The following HIF1A variants were observed in gnomAD, a reference collection of about 807,000 sequenced individuals.
The protein encoded by HIF1A is hypoxia inducible factor 1 subunit alpha, also known as hypoxia-inducible factor 1-alpha.
In HIF1A, 24 loss-of-function variants were observed where a neutral mutation model predicts 92.7. The ratio of observed to expected loss-of-function variants is 0.26; its 90% CI spans 0.19 to 0.36. The LOEUF (loss-of-function observed/expected upper bound fraction) is 0.36. Ranked by LOEUF, HIF1A falls within the 10% of genes least tolerant of loss-of-function variation. HIF1A has a pLI of 1.00. For missense variants in HIF1A, 799 were observed against 998.5 expected (o/e 0.80, Z 2.69); for synonymous variants, 319 against 338.7 (o/e 0.94, Z 0.64).
intron 1 of HIF1A, among the ~76,000 whole-genome samples, chr14:61,702,355 G>T (rs1366633086): frequency 6.7e-6 from 1 of 149,430 alleles, no homozygotes; most frequent in Non-Finnish European, 1.5e-5. Context: ...CAGGAGAATC[G>T]CTTGAACCTG....
chr14:61,717,350 C>A (rs1467401096), intron 1 of HIF1A, among the ~76,000 whole-genome samples: 1 of 152,132 alleles, frequency 6.6e-6, no homozygotes, highest in Non-Finnish European at 1.5e-5. Context: ...TATAAGACCT[C>A]CAGTAGTCAC....
intron 1 of HIF1A, among the ~76,000 whole-genome samples, chr14:61,708,217 G>A (rs995554194): frequency 1.3e-5 from 2 of 152,170 alleles, no homozygotes; most frequent in Non-Finnish European, 2.9e-5. Flanking sequence ...TTTGTCAGAT[G>A]AGTAGATTGC....
chr14:61,713,986 T>G (rs1298987457), intron 1 of HIF1A, among the ~76,000 whole-genome samples: 4 of 152,224 alleles, frequency 2.6e-5, no homozygotes, highest in Non-Finnish European at 5.9e-5. Context: ...AGAAGTTGTC[T>G]TCTGTGTTGT....
intron 13 of HIF1A, 81 bp downstream of exon 13, chr14:61,744,894 T>TGTG: frequency 1.2e-5 from 6 of 521,034 alleles, no homozygotes; most frequent in African/African-American, 2.0e-5. Context: ...TGTGTGTGTG[T>TGTG]TTCCACGTTT....
Position 61,740,836 on chromosome 14 carries a change from T to A in HIF1A, c.1741T>A (p.Ser581Thr), listed in dbSNP as rs1252020623. ...CCAGTTACGTTCCTTCGATCAGTTG[T>A]CACCATTAGAAAGCAGTTCCGCAAG... ...DFQLRSFDQL[S>T]PLESSSASPE... The change falls in exon 12 of 15, where the codon TCA becomes ACA. Residue 581 changes from serine to threonine, a missense_variant. Ser to Thr is a moderately conservative substitution (Grantham distance 58). Around this residue, in one of 2 missense-constraint regions of HIF1A, gnomAD observed 516 missense variants for 721.0 expected, o/e 0.72. Coordinates refer to ENST00000337138, the MANE Select transcript of HIF1A (RefSeq NM_001530.4). 6.2e-7 allele frequency: 1 copy of A among 1,614,012 alleles called. No individual in the cohort carries two copies. The highest frequency in any genetic ancestry group is 1.7e-5 in the Admixed American group (1 of 59,986).
chr14:61,742,010 G>A (rs1298682717), intron 12 of HIF1A, among the ~76,000 whole-genome samples: 1 of 152,060 alleles, frequency 6.6e-6, no homozygotes, highest in African/African-American at 2.4e-5. Context: ...TTGTATTAAA[G>A]TTGCTTTTAT....
chr14:61,697,529 A>C (rs1352818858), intron 1 of HIF1A: 2 of 221,262 alleles, frequency 9.0e-6, no homozygotes, highest in Non-Finnish European at 1.6e-5. Context: ...CAGTTTTGAA[A>C]CGAATTAATA....
At chr14:61,719,861 T>C in intron 1 of HIF1A, among the ~76,000 whole-genome samples, 1 of 152,200 alleles carries the variant, frequency 6.6e-6, no homozygotes, top group African/African-American at 2.4e-5. Flanking sequence ...GTCAGTGTTA[T>C]TCATGTGGTA....
intron 1 of HIF1A, among the ~76,000 whole-genome samples, chr14:61,701,415 T>A (rs1452604102): frequency 6.6e-6 from 1 of 152,164 alleles, no homozygotes; most frequent in Non-Finnish European, 1.5e-5. Flanking sequence ...GTATTTAATA[T>A]TGCAATTTTC....
At chr14:61,706,495 A>C (rs1232615584) in intron 1 of HIF1A, among the ~76,000 whole-genome samples, 1 of 152,236 alleles carries the variant, frequency 6.6e-6, no homozygotes, top group South Asian at 2.1e-4. Context: ...AGTATTGTGA[A>C]ACTCACTATA....
chr14:61,744,958 C>T (rs1403602998), intron 13 of HIF1A, 145 bp downstream of exon 13: 1 of 478,862 alleles, frequency 2.1e-6, no homozygotes, highest in African/African-American at 2.0e-5. Flanking sequence ...TTTTTTTACT[C>T]TGTATGCACT....
chr14:61,710,349 G>A lies in HIF1A; in HGVS notation c.36-10033G>A, dbSNP rs534069321. Among the ~76,000 whole-genome samples, 24 of 152,282 alleles carry A rather than the reference G, an allele frequency of 1.6e-4. No homozygotes were observed. The South Asian group carries it at 3.9e-3, about 25-fold the overall frequency. ...ACATTTGTTCCATAAGATAACCTCC[G>A]TGAAGGTAGAGACTTGGTCTGTTTT... On this transcript the variant is annotated intron_variant, in intron 1 of 14. Transcript: ENST00000337138.
intron 1 of HIF1A, among the ~76,000 whole-genome samples, chr14:61,712,216 A>T (rs546384513): frequency 2.8e-4 from 43 of 152,314 alleles, no homozygotes; most frequent in Non-Finnish European, 4.4e-5. Flanking sequence ...CCTTGTGGGT[A>T]TTTAGGGTAG....
intron 4 of HIF1A, among the ~76,000 whole-genome samples, chr14:61,723,645 G>C (rs916671359): frequency 6.6e-6 from 1 of 152,186 alleles, no homozygotes; most frequent in Non-Finnish European, 1.5e-5. Context: ...TTGTCAATGA[G>C]TTTAATATAT....
Position 61,747,185 on chromosome 14 carries a change from A to C in HIF1A, c.*100A>C. The C allele has an allele frequency of 9.9e-7, 1 of 1,008,712 alleles. No individual in the cohort carries two copies. Among genetic ancestry groups the C allele is most frequent in the Non-Finnish European group, 1.4e-6 (1 of 701,348 alleles). 62.5% of individuals were successfully genotyped at this position (1,008,712 alleles called of 1,614,324 possible). ...CATCTAATTTTAGAAGCCTGGCTACAATACTGCACAAACTTGGTTAGTTCA... is the reference window on the plus strand; with the variant it reads ...CATCTAATTTTAGAAGCCTGGCTACCATACTGCACAAACTTGGTTAGTTCA... On this transcript the variant is annotated 3_prime_UTR_variant, in exon 15 of 15. Transcript: ENST00000337138.
intron 1 of HIF1A, among the ~76,000 whole-genome samples, chr14:61,703,982 C>T (rs2044207113): frequency 6.6e-6 from 1 of 151,392 alleles, no homozygotes; most frequent in South Asian, 2.1e-4. Context: ...TGATCCTTTT[C>T]TCTACTAAAT....
At chr14:61,697,636 C>T in intron 1 of HIF1A, 1 of 1,125,088 alleles carries the variant, frequency 8.9e-7, no homozygotes, top group African/African-American at 1.6e-5. Context: ...GAAAACTTGG[C>T]AACCTTGGAT....
In HIF1A at chr14:61,695,671, G is replaced by A. The variant is rs1340094046; in HGVS notation, c.-134G>A. 5.5e-6 allele frequency: 5 copies of A among 915,648 alleles called. No individual in the cohort carries two copies. Among genetic ancestry groups the A allele is most frequent in the African/African-American group, 1.7e-5 (1 of 58,986 alleles). The allele number at this position is 915,648 out of a possible 1,614,324, so 56.7% of individuals were successfully genotyped here. A position where few individuals can be genotyped will look rare whatever the true frequency, so the allele number is the denominator to read the frequency against. On this transcript the variant is annotated 5_prime_UTR_variant, in exon 1 of 15. Transcript: ENST00000337138. ...GCCCGCTTCTCTCTAGTCTCACGAG[G>A]GGTTTCCCGCCTCGCACCCCCACCT...
In HIF1A at chr14:61,736,966, T is replaced by C. The variant is rs1419855024; in HGVS notation, c.1106T>C (p.Met369Thr). Residue 369 changes from methionine (M) to threonine (T), a missense_variant, in exon 9 of 15, where the codon ATG (methionine) becomes ACG (threonine). This residue lies in a region of HIF1A where 516 missense variants were observed against 721.0 expected (regional missense o/e 0.72). Transcript: ENST00000337138. The part of the protein sequence containing the change: ...CVLKPVESSD[M>T]KMTQLFTKVE... ...CTTAAACCGGTTGAATCTTCAGATATGAAAATGACTCAGCTATTCACCAAA... is the reference window on the plus strand; with the variant it reads ...CTTAAACCGGTTGAATCTTCAGATACGAAAATGACTCAGCTATTCACCAAA... 1 of 1,613,982 alleles carries C rather than the reference T, an allele frequency of 6.2e-7. No individual in the cohort carries two copies. Among genetic ancestry groups the C allele is most frequent in the African/African-American group, 1.3e-5 (1 of 74,944 alleles).
Sources: allele counts gnomAD v4.1 joint callset (sites outside exome capture counted in the v4.1 genomes callset), GRCh38; gene constraint gnomAD v4.1.1; regional missense constraint gnomAD v4.1.1; transcripts MANE v1.5; gene names NCBI Gene and HGNC (gene_info 2026-07-23, HGNC 2026-07-21).